The following CTNNBL1 variants were observed in gnomAD, a reference collection of about 807,000 sequenced individuals.
The protein encoded by CTNNBL1 is beta-catenin-like protein 1.
A neutral mutation model predicts 72.7 loss-of-function variants in CTNNBL1; 31 were observed. The ratio of observed to expected loss-of-function variants is 0.43; its 90% CI spans 0.32 to 0.58. CTNNBL1 has a LOEUF of 0.58. Among genes scored for constraint, CTNNBL1 ranks in the 20% least tolerant of loss-of-function variants. CTNNBL1 has a pLI of 0.08. For missense variants in CTNNBL1, 534 were observed against 725.1 expected (o/e 0.74, Z 3.03); for synonymous variants, 240 against 267.3 (o/e 0.90, Z 1.00).
chr20:37,852,767 A>G (rs2072408324), intron 13 of CTNNBL1, among the ~76,000 whole-genome samples: 1 of 152,024 alleles, frequency 6.6e-6, no homozygotes, highest in Admixed American at 6.6e-5. Flanking sequence ...TTTTTGTATC[A>G]TACTCTGTAC....
intron 13 of CTNNBL1, among the ~76,000 whole-genome samples, chr20:37,847,271 G>A (rs145355752): frequency 2.9e-4 from 44 of 152,164 alleles, no homozygotes; most frequent in Non-Finnish European, 5.3e-4. Context: ...TTCAAATCAC[G>A]TATTACAATA....
At position 37,728,006 on chromosome 20, in the gene CTNNBL1, C is replaced by T. The variant is rs529582457; in HGVS notation, c.31-4873C>T. On this transcript the variant is annotated intron_variant, in intron 1 of 15. Coordinates refer to ENST00000361383, the MANE Select transcript of CTNNBL1 (RefSeq NM_030877.5). ...CATAATTTTTAGTGTGACTCTTTCA[C>T]GAACAGACAGGACTTCAACTTTTTG... Among the ~76,000 whole-genome samples, 19 of 152,290 alleles carry T rather than the reference C, an allele frequency of 1.2e-4. No individual in the cohort carries two copies. In the South Asian group the frequency reaches 1.9e-3, roughly 15 times the overall value.
At chr20:37,748,200 G>A (rs772136254) in intron 4 of CTNNBL1, among the ~76,000 whole-genome samples, 1 of 152,284 alleles carries the variant, frequency 6.6e-6, no homozygotes. Flanking sequence ...TCCTGAGAGC[G>A]TGTCTGACTA....
chr20:37,787,465 C>T (rs2073687297), intron 10 of CTNNBL1, among the ~76,000 whole-genome samples: 1 of 151,262 alleles, frequency 6.6e-6, no homozygotes, highest in African/African-American at 2.4e-5. Context: ...CTGCCTCAGC[C>T]TCCCAAGTAG....
At chr20:37,761,334 T>C (rs563271002) in intron 5 of CTNNBL1, among the ~76,000 whole-genome samples, 1 of 152,218 alleles carries the variant, frequency 6.6e-6, no homozygotes, top group Non-Finnish European at 1.5e-5. Context: ...TACTCATTCC[T>C]GCACTAAATT....
intron 15 of CTNNBL1, among the ~76,000 whole-genome samples, chr20:37,863,721 A>T (rs1354397174): frequency 1.3e-5 from 2 of 152,228 alleles, no homozygotes; most frequent in East Asian, 3.9e-4. Flanking sequence ...GGGTGACTGC[A>T]TCCCTTGATT....
intron 10 of CTNNBL1, among the ~76,000 whole-genome samples, chr20:37,792,965 C>T (rs1321282544): frequency 6.6e-6 from 1 of 152,174 alleles, no homozygotes; most frequent in East Asian, 1.9e-4. Context: ...CTTTCTGTTA[C>T]TGATTTCTAC....
chr20:37,843,078 A>G (rs2072318505), intron 13 of CTNNBL1, among the ~76,000 whole-genome samples: 1 of 152,126 alleles, frequency 6.6e-6, no homozygotes, highest in African/African-American at 2.4e-5. Flanking sequence ...GTTCTCCACC[A>G]TCTCTGGCCA....
chr20:37,789,364 G>A (rs2122711193), intron 10 of CTNNBL1, among the ~76,000 whole-genome samples: 1 of 152,338 alleles, frequency 6.6e-6, no homozygotes, highest in Middle Eastern at 3.4e-3. Flanking sequence ...GTGAGCAGCA[G>A]AAGAATTAAC....
At chr20:37,814,031 G>A (rs2072033916) in intron 11 of CTNNBL1, among the ~76,000 whole-genome samples, 1 of 152,150 alleles carries the variant, frequency 6.6e-6, no homozygotes, top group South Asian at 2.1e-4. Flanking sequence ...AACCCTGTGA[G>A]CTGTGTATTA....
At chr20:37,814,082 A>G (rs2122757809) in intron 11 of CTNNBL1, among the ~76,000 whole-genome samples, 3 of 152,278 alleles carry the variant, frequency 2.0e-5, no homozygotes. Flanking sequence ...GGCCCAGATA[A>G]CTTGTCATTT....
At chr20:37,864,993 G>T (rs2072525447) in intron 15 of CTNNBL1, among the ~76,000 whole-genome samples, 1 of 152,154 alleles carries the variant, frequency 6.6e-6, no homozygotes, top group African/African-American at 2.4e-5. Flanking sequence ...TGAGCTTAGT[G>T]GGGGTACCTG....
At position 37,694,127 on chromosome 20, in the gene CTNNBL1, A is replaced by T. The variant is rs541543757; in HGVS notation, c.5A>T (p.Asp2Val). 1 of 1,602,862 alleles carries T rather than the reference A, an allele frequency of 6.2e-7. No homozygotes were observed. The highest frequency in any genetic ancestry group is 2.3e-5 in the East Asian group (1 of 43,154). ...GTATTTGCTGGGCCGGGTACCATGG[A>T]CGTGGGCGAACTTCTGAGCTACCAG... MDVGELLSYQPN... is the reference protein window; with the variant it reads MVVGELLSYQPN... Residue 2 changes from aspartate (D) to valine (V), a missense_variant, in exon 1 of 16, where the codon GAC (aspartate) becomes GTC (valine). Coordinates refer to ENST00000361383, the MANE Select transcript of CTNNBL1 (RefSeq NM_030877.5).
intron 10 of CTNNBL1, among the ~76,000 whole-genome samples, chr20:37,790,533 T>C (rs2073714925): frequency 2.0e-5 from 3 of 152,204 alleles, no homozygotes. Flanking sequence ...AGTTTAATAT[T>C]ACCATTCTCC....
chr20:37,866,511 T>G (rs888489779), intron 15 of CTNNBL1, among the ~76,000 whole-genome samples: 4 of 152,102 alleles, frequency 2.6e-5, no homozygotes, highest in Non-Finnish European at 5.9e-5. Flanking sequence ...GAGAATGAGG[T>G]GAAGTGCTGT....
At chr20:37,822,425 T>G (rs573337248) in intron 11 of CTNNBL1, among the ~76,000 whole-genome samples, 1 of 152,346 alleles carries the variant, frequency 6.6e-6, no homozygotes, top group African/African-American at 2.4e-5. Context: ...GGAATGCATC[T>G]TGGATTCCAT....
At chr20:37,869,805 G>T (rs1386089269) in intron 15 of CTNNBL1, among the ~76,000 whole-genome samples, 2 of 152,178 alleles carry the variant, frequency 1.3e-5, no homozygotes, top group Admixed American at 6.5e-5. Context: ...AACATTTTCA[G>T]AGGGGACCAC....
In CTNNBL1 at chr20:37,757,667, C is replaced by T. The variant is rs978134571; in HGVS notation, c.564+11C>T. 3.1e-6 allele frequency: 5 copies of T among 1,600,616 alleles called. No individual in the cohort carries two copies. Among genetic ancestry groups the T allele is most frequent in the Non-Finnish European group, 4.3e-6 (5 of 1,168,240 alleles). On this transcript the variant is annotated intron_variant, in intron 5 of 15. Coordinates refer to ENST00000361383, the MANE Select transcript of CTNNBL1 (RefSeq NM_030877.5). ...CTCATCGATGCTCTGGTAAGTTGCA[C>T]ATCCTCTGGGGTTTTGCAGGTTTGT...
At chr20:37,778,329 G>T (rs1398461205) in intron 9 of CTNNBL1, among the ~76,000 whole-genome samples, 1 of 152,148 alleles carries the variant, frequency 6.6e-6, no homozygotes. Flanking sequence ...ACTGAAAATA[G>T]ATCATTTGGA....
Sources: allele counts gnomAD v4.1 joint callset (sites outside exome capture counted in the v4.1 genomes callset), GRCh38; gene constraint gnomAD v4.1.1; transcripts MANE v1.5; gene names NCBI Gene and HGNC (gene_info 2026-07-23, HGNC 2026-07-21).